ZFR: variants seen among roughly 807,000 people sequenced by gnomAD.
ZFR encodes zinc finger RNA-binding protein.
A neutral mutation model predicts 130.7 loss-of-function variants in ZFR; 19 were observed. The ratio of observed to expected loss-of-function variants is 0.15; its 90% CI spans 0.10 to 0.21. The LOEUF (loss-of-function observed/expected upper bound fraction) is 0.21, where lower values mean the gene tolerates loss of function less well. Among genes scored for constraint, ZFR ranks in the 10% least tolerant of loss-of-function variants. The pLI is 1.00. For synonymous variants in ZFR, 466 were observed against 456.9 expected, an observed-to-expected ratio of 1.02 and a Z score of -0.25; for missense variants, 872 against 1,321.5, an observed-to-expected ratio of 0.66 and a Z score of 5.27.
intron 15 of ZFR, among the ~76,000 whole-genome samples, chr5:32,385,236 AGTTTT>A: frequency 7.4e-5 from 1 of 13,542 alleles, no homozygotes; most frequent in South Asian, 1.0e-3. Flanking sequence ...ATAATTTTGA[AGTTTT>A]TTTTCCAGAA....
At chr5:32,366,974 C>T (rs1207011188) in intron 17 of ZFR, among the ~76,000 whole-genome samples, 4 of 151,608 alleles carry the variant, frequency 2.6e-5, no homozygotes, top group Non-Finnish European at 5.9e-5. Flanking sequence ...ACACTGCAGC[C>T]GAGCTTGAAC....
chr5:32,375,488 G>A (rs1454594479), intron 17 of ZFR, among the ~76,000 whole-genome samples: 6 of 152,046 alleles, frequency 3.9e-5, no homozygotes, highest in Non-Finnish European at 8.8e-5. Context: ...TGGAAAGAAG[G>A]CAAAATATCA....
intron 2 of ZFR, among the ~76,000 whole-genome samples, chr5:32,421,624 C>CACTTA (rs1753960581): frequency 6.6e-6 from 1 of 152,058 alleles, no homozygotes. Context: ...TAATAGAAGA[C>CACTTA]ACTTACTCCA....
rs761299567 is a variant in ZFR at position 32,406,948 on chromosome 5, T to TTGC, written c.855_857dup (p.Gln287dup). 12 of 1,598,434 alleles carry TTGC rather than the reference T, an allele frequency of 7.5e-6. No homozygotes were observed. The highest frequency in any genetic ancestry group is 1.0e-5 in the Non-Finnish European group (12 of 1,176,128). On this transcript the variant is annotated inframe_insertion, in exon 6 of 20. Transcript: ENST00000265069. ...CAGCTGCTGCTGCTGCCTGCTTCTG[T>TTGC]TGCTGCTGCTGCTGTTGATAGTAGG...
At chr5:32,385,327 T>C (rs1356833192) in intron 15 of ZFR, among the ~76,000 whole-genome samples, 181 bp downstream of exon 15, 1 of 152,060 alleles carries the variant, frequency 6.6e-6, no homozygotes, top group Admixed American at 6.6e-5. Flanking sequence ...AATACATCAC[T>C]AAAAAGAGCA....
rs144556014 is a variant in ZFR at position 32,434,274 on chromosome 5, T to C, written c.137+9955A>G. ...TTTGAAAAATTCATGTAGGACATTA[T>C]CAGCTGAAGACTTGTAGCCTGAGAT... On this transcript the variant is annotated intron_variant, in intron 2 of 19. Transcript: ENST00000265069. Among the ~76,000 whole-genome samples, 225 of 152,360 alleles carry C rather than the reference T, an allele frequency of 1.5e-3. 1 individual carries two copies. The highest frequency in any genetic ancestry group is 4.8e-3 in the African/African-American group (201 of 41,586).
chr5:32,408,430 G>A (rs1359255675), intron 5 of ZFR, among the ~76,000 whole-genome samples: 1 of 151,264 alleles, frequency 6.6e-6, no homozygotes, highest in Non-Finnish European at 1.5e-5. Context: ...TTACATTTCT[G>A]TGGCATTTGT....
At chr5:32,385,381 T>G (rs1753022741) in intron 15 of ZFR, 127 bp downstream of exon 15, 2 of 1,133,340 alleles carry the variant, frequency 1.8e-6, no homozygotes, top group Admixed American at 4.9e-5. Flanking sequence ...GGTTGCTAAA[T>G]AAGTCAAATC....
rs1425782502 is a variant in ZFR at position 32,380,110 on chromosome 5, C to T, written c.2704G>A (p.Ala902Thr). The T allele has an allele frequency of 1.2e-6, 2 of 1,614,046 alleles. No homozygotes were observed. Among genetic ancestry groups the T allele is most frequent in the South Asian group, 1.1e-5 (1 of 91,072 alleles). ...TTAGCGTGGCGTAGAGCAGCCAGAG[C>T]GTCAAGGCATTTTTGCCTGTCCAAG... is the stretch of plus-strand genomic sequence containing the variant. The part of the protein sequence containing the change: ...DVLDRQKCLD[A>T]LAALRHAKWF... The change falls in exon 16 of 20, where the codon GCT becomes ACT. Residue 902 changes from alanine (A) to threonine (T), a missense_variant. By Grantham distance (58) the Ala-to-Thr change is moderately conservative. Around this residue, in one of 7 missense-constraint regions of ZFR, gnomAD observed 158 missense variants for 264.0 expected, o/e 0.60. Transcript: ENST00000265069.
chr5:32,403,444 T>C (rs1753512951), intron 7 of ZFR, 47 bp from the exon 8 acceptor site: 5 of 1,575,722 alleles, frequency 3.2e-6, no homozygotes, highest in East Asian at 4.5e-5. Flanking sequence ...CAAATAGATT[T>C]TGAAAAGTCT....
intron 17 of ZFR, among the ~76,000 whole-genome samples, chr5:32,376,255 G>A (rs959414796): frequency 6.6e-6 from 1 of 152,088 alleles, no homozygotes; most frequent in Admixed American, 6.5e-5. Flanking sequence ...AATCACTACT[G>A]TAAATTAGAA....
intron 11 of ZFR, chr5:32,394,366 A>AG (rs1753249027): frequency 5.9e-6 from 1 of 169,470 alleles, no homozygotes; most frequent in Non-Finnish European, 1.5e-5. Context: ...AAAAGACCAT[A>AG]GACTGTAGTA....
intron 2 of ZFR, among the ~76,000 whole-genome samples, chr5:32,431,866 G>T (rs1754232500): frequency 1.3e-5 from 2 of 152,048 alleles, no homozygotes; most frequent in South Asian, 4.1e-4. Context: ...ACCCAACAGG[G>T]TTTACTGTTT....
chr5:32,407,354 A>G (rs144059373), intron 5 of ZFR, among the ~76,000 whole-genome samples: 4 of 151,400 alleles, frequency 2.6e-5, no homozygotes, highest in African/African-American at 4.9e-5. Context: ...TATGTCCCCA[A>G]ATAAAATCCT....
At chr5:32,443,994 C>T (rs1018598024) in intron 2 of ZFR, among the ~76,000 whole-genome samples, 20 of 151,366 alleles carry the variant, frequency 1.3e-4, no homozygotes, top group Middle Eastern at 3.4e-3. Flanking sequence ...CCTACACCTC[C>T]GCCGTCTCTA....
At chr5:32,396,001 C>A (rs943211799) in intron 10 of ZFR, among the ~76,000 whole-genome samples, 1 of 152,064 alleles carries the variant, frequency 6.6e-6, no homozygotes, top group African/African-American at 2.4e-5. Context: ...GAAGGCAGAT[C>A]ACTTGAGGCC....
intron 1 of ZFR, 98 bp downstream of exon 1, chr5:32,444,524 G>A (rs573877400): frequency 1.5e-6 from 2 of 1,369,434 alleles, no homozygotes; most frequent in Non-Finnish European, 1.9e-6. Context: ...GGCGGCCGCC[G>A]CCTCCTCCCC....
chr5:32,383,357 T>C (rs1752973269), intron 15 of ZFR, among the ~76,000 whole-genome samples: 1 of 152,184 alleles, frequency 6.6e-6, no homozygotes, highest in African/African-American at 2.4e-5. Context: ...CCGGGCCTGA[T>C]AAGCTACAGG....
At chr5:32,376,544 T>C (rs369603920) in intron 17 of ZFR, among the ~76,000 whole-genome samples, 40 of 150,800 alleles carry the variant, frequency 2.7e-4, no homozygotes, top group Admixed American at 8.6e-4. Flanking sequence ...TGAGCTGAGA[T>C]AGCCGTACTG....
Sources: allele counts gnomAD v4.1 joint callset (sites outside exome capture counted in the v4.1 genomes callset), GRCh38; gene constraint gnomAD v4.1.1; regional missense constraint gnomAD v4.1.1; transcripts MANE v1.5; gene names NCBI Gene and HGNC (gene_info 2026-07-23, HGNC 2026-07-21).